The following SENP7 variants were observed in gnomAD, a reference collection of about 807,000 sequenced individuals.
SENP7 encodes sentrin-specific protease 7.
A neutral mutation model predicts 141.2 loss-of-function variants in SENP7; 64 were observed. The observed-to-expected ratio is 0.45, with a 90% CI of 0.37 to 0.56. The LOEUF is 0.56. Among genes scored for constraint, SENP7 ranks in the 20% least tolerant of loss-of-function variants. The probability of loss-of-function intolerance (pLI) is 0.00; values close to 1 mark genes in which losing one functional copy is unlikely to be tolerated. For synonymous variants in SENP7, 382 were observed against 426.4 expected (o/e 0.90, Z 1.28); for missense variants, 1,025 against 1,212.2 (o/e 0.85, Z 2.29).
chr3:101,488,722 G>A (rs2064833955), intron 3 of SENP7, among the ~76,000 whole-genome samples: 2 of 152,152 alleles, frequency 1.3e-5, no homozygotes, highest in African/African-American at 4.8e-5. Context: ...TGTGCCTGTA[G>A]TCCCAGCTAC....
intron 4 of SENP7, among the ~76,000 whole-genome samples, chr3:101,452,808 A>G (rs1331161780): frequency 6.6e-6 from 1 of 152,258 alleles, no homozygotes; most frequent in Non-Finnish European, 1.5e-5. Context: ...GGCATGGGCA[A>G]GGACTTCATG....
intron 1 of SENP7, among the ~76,000 whole-genome samples, chr3:101,510,715 T>C (rs1443730402): frequency 1.3e-5 from 2 of 151,920 alleles, no homozygotes; most frequent in Non-Finnish European, 2.9e-5. Context: ...TAACCGGGCA[T>C]GGTGACAGGC....
chr3:101,416,819 T>C (rs747318738), intron 5 of SENP7, among the ~76,000 whole-genome samples: 5 of 152,218 alleles, frequency 3.3e-5, no homozygotes, highest in African/African-American at 4.8e-5. Flanking sequence ...AAAGTACTTA[T>C]ATACTGTCAT....
chr3:101,392,304 T>C (rs1291347150), intron 6 of SENP7, among the ~76,000 whole-genome samples: 1 of 152,096 alleles, frequency 6.6e-6, no homozygotes, highest in African/African-American at 2.4e-5. Context: ...GACATGACCA[T>C]ACATATAGAA....
At chr3:101,446,973 C>A (rs2062921391) in intron 4 of SENP7, among the ~76,000 whole-genome samples, 1 of 151,396 alleles carries the variant, frequency 6.6e-6, no homozygotes, top group Admixed American at 6.6e-5. Context: ...TGACATTGTG[C>A]AAAAATAAAA....
intron 4 of SENP7, among the ~76,000 whole-genome samples, chr3:101,448,021 C>T (rs1230042404): frequency 6.6e-6 from 1 of 152,182 alleles, no homozygotes; most frequent in Non-Finnish European, 1.5e-5. Context: ...ACAAATGGTG[C>T]TGGCACAAAT....
chr3:101,347,811 G>A (rs2059507568), intron 13 of SENP7, 61 bp downstream of exon 13: 2 of 790,610 alleles, frequency 2.5e-6, no homozygotes, highest in South Asian at 4.0e-5. Flanking sequence ...ATTATTTTAG[G>A]AAAAAACTAT....
chr3:101,367,182 A>G (rs1369262772), intron 8 of SENP7, among the ~76,000 whole-genome samples: 1 of 152,184 alleles, frequency 6.6e-6, no homozygotes, highest in African/African-American at 2.4e-5. Flanking sequence ...AAAAATTATG[A>G]AAATCAACCA....
intron 2 of SENP7, among the ~76,000 whole-genome samples, chr3:101,498,738 G>T (rs113036951): frequency 6.6e-6 from 1 of 152,194 alleles, no homozygotes; most frequent in Non-Finnish European, 1.5e-5. Context: ...AACACAGCAG[G>T]AGGCGAGCAG....
In SENP7 at chr3:101,362,468, TA is replaced by T. The variant is rs562135008; in HGVS notation, c.1477-608del. Among the ~76,000 whole-genome samples, 27 of 152,336 alleles carry T rather than the reference TA, an allele frequency of 1.8e-4. 1 individual carries two copies. The South Asian group carries it at 5.6e-3, about 32-fold the overall frequency. On this transcript the variant is annotated intron_variant, in intron 10 of 23. Coordinates refer to ENST00000394095, the MANE Select transcript of SENP7 (RefSeq NM_020654.5). Reference sequence around the variant, plus strand: ...AAATAATGTTCTTGCTACTGCACTTTAAAATTTTTTTATTTTAGATTCAGGG... The same window carrying T: ...AAATAATGTTCTTGCTACTGCACTTTAAATTTTTTTATTTTAGATTCAGGG...
At chr3:101,403,071 A>G (rs1159306126) in intron 5 of SENP7, among the ~76,000 whole-genome samples, 1 of 152,240 alleles carries the variant, frequency 6.6e-6, no homozygotes, top group African/African-American at 2.4e-5. Context: ...CAAAGGTAAC[A>G]AAGTACAGTG....
intron 2 of SENP7, among the ~76,000 whole-genome samples, chr3:101,500,322 A>G (rs1394488691): frequency 2.0e-5 from 3 of 152,228 alleles, no homozygotes; most frequent in Non-Finnish European, 4.4e-5. Flanking sequence ...TGGGAGGCCA[A>G]GGCAGGAGGA....
At chr3:101,420,913 T>C (rs977343985) in intron 4 of SENP7, among the ~76,000 whole-genome samples, 2 of 152,110 alleles carry the variant, frequency 1.3e-5, no homozygotes, top group Admixed American at 1.3e-4. Flanking sequence ...TAATGGGGTA[T>C]AATAACCAAA....
intron 11 of SENP7, among the ~76,000 whole-genome samples, chr3:101,359,708 T>A (rs1022132963): frequency 6.6e-6 from 1 of 151,968 alleles, no homozygotes; most frequent in Non-Finnish European, 1.5e-5. Context: ...AAATAGTACA[T>A]ATTATGTAAT....
chr3:101,395,191 G>C (rs2060932528), intron 6 of SENP7, among the ~76,000 whole-genome samples: 1 of 152,162 alleles, frequency 6.6e-6, no homozygotes, highest in African/African-American at 2.4e-5. Flanking sequence ...GTTGTTGCCT[G>C]TGTGAGGTCT....
chr3:101,366,340 G>A (rs2060036918), intron 9 of SENP7, 90 bp downstream of exon 9: 3 of 947,286 alleles, frequency 3.2e-6, no homozygotes, highest in Non-Finnish European at 4.7e-6. Flanking sequence ...AACAGCTTAT[G>A]GCCTTAGCCA....
rs576328783 is a variant in SENP7 at position 101,370,413 on chromosome 3, G to C, written c.796+1595C>G. Reference sequence around the variant, plus strand: ...ATACAGTCATCCCTCAGTATCCTCAGGGGATTGGTCCCAGGGACCCAGGAT... The same window carrying C: ...ATACAGTCATCCCTCAGTATCCTCACGGGATTGGTCCCAGGGACCCAGGAT... On this transcript the variant is annotated intron_variant, in intron 7 of 23. Transcript: ENST00000394095. Among the ~76,000 whole-genome samples the C allele has an allele frequency of 3.9e-5, 6 of 152,170 alleles. No individual in the cohort carries two copies. In the South Asian group the frequency reaches 6.2e-4, roughly 16 times the overall value.
At chr3:101,408,874 G>C (rs2107619607) in intron 5 of SENP7, among the ~76,000 whole-genome samples, 1 of 152,210 alleles carries the variant, frequency 6.6e-6, no homozygotes, top group Non-Finnish European at 1.5e-5. Context: ...ACTGGAACAA[G>C]ACAAGGATGC....
In SENP7 at chr3:101,348,048, G is replaced by A. The variant is rs1239112734; in HGVS notation, c.1661C>T (p.Ser554Phe). Residue 554 changes from serine to phenylalanine, a missense_variant, in exon 13 of 24, where the codon TCC becomes TTC. Ser to Phe is a radical substitution (Grantham distance 155). Transcript: ENST00000394095. ...CACTAGCAATGAAATCTCATTCAGGGACACTGAAACAAATAAAAGACAACA... is the reference window on the plus strand; with the variant it reads ...CACTAGCAATGAAATCTCATTCAGGAACACTGAAACAAATAAAAGACAACA... ...KKYIKIPFQV[S>F]LNEISLLVDT... 6.4e-7 allele frequency: 1 copy of A among 1,569,172 alleles called. No individual in the cohort carries two copies. The highest frequency in any genetic ancestry group is 1.9e-5 in the Admixed American group (1 of 52,996).
Sources: allele counts gnomAD v4.1 joint callset (sites outside exome capture counted in the v4.1 genomes callset), GRCh38; gene constraint gnomAD v4.1.1; transcripts MANE v1.5; gene names NCBI Gene and HGNC (gene_info 2026-07-23, HGNC 2026-07-21).